The following MBOAT2 variants were observed in gnomAD, a reference collection of about 807,000 sequenced individuals.
The protein encoded by MBOAT2 is membrane bound glycerophospholipid O-acyltransferase 2.
In MBOAT2, 28 loss-of-function variants were observed where a neutral mutation model predicts 63.4. The observed-to-expected ratio is 0.44, with a 90% confidence interval of 0.33 to 0.61. The LOEUF is 0.61. Ranked by LOEUF, MBOAT2 falls within the 20% of genes least tolerant of loss-of-function variation. The pLI is 0.03. For missense variants in MBOAT2, 470 were observed against 605.8 expected, an observed-to-expected ratio of 0.78 and a Z score of 2.35; for synonymous variants, 211 against 215.6, an observed-to-expected ratio of 0.98 and a Z score of 0.19.
chr2:8,887,432 AG>A (rs1663640852), intron 5 of MBOAT2, among the ~76,000 whole-genome samples: 2 of 152,150 alleles, frequency 1.3e-5, no homozygotes, highest in South Asian at 4.1e-4. Context: ...GTGGAGACAC[AG>A]TAGGGCTCAA....
chr2:8,979,547 AG>A (rs1449896753), intron 1 of MBOAT2, among the ~76,000 whole-genome samples: 1 of 152,094 alleles, frequency 6.6e-6, no homozygotes, highest in East Asian at 1.9e-4. Context: ...CACATTTATC[AG>A]CTTAACAAGT....
At position 8,854,584 on chromosome 2, in the gene MBOAT2, T is replaced by A. The variant is rs1045035143; in HGVS notation, c.*4095A>T. The stretch of plus-strand genomic sequence containing the variant: ...AACAATTATTTTCTCAAGTAATTTT[T>A]CTTTCAATTATAATGTAGAACTGTT... On this transcript the variant is annotated 3_prime_UTR_variant, in exon 13 of 13. Transcript: ENST00000305997. 2.6e-5 allele frequency: 4 copies of A among 152,250 alleles called. No individual in the cohort carries two copies. The highest frequency in any genetic ancestry group is 2.0e-4 in the Admixed American group (3 of 15,290). The allele number at this position is 152,250 out of a possible 1,614,324, so 9.4% of individuals were successfully genotyped here.
At chr2:8,966,588 G>A (rs552373047) in intron 1 of MBOAT2, among the ~76,000 whole-genome samples, 1 of 152,100 alleles carries the variant, frequency 6.6e-6, no homozygotes, top group Non-Finnish European at 1.5e-5. Context: ...AACCAACCTC[G>A]CAGCCAGTTA....
chr2:8,894,144 CCT>C (rs1433671037), intron 4 of MBOAT2, among the ~76,000 whole-genome samples: 9 of 152,134 alleles, frequency 5.9e-5, no homozygotes, highest in Non-Finnish European at 1.0e-4. Flanking sequence ...TATTCCCCTC[CCT>C]GTGTCCACGT....
intron 4 of MBOAT2, among the ~76,000 whole-genome samples, chr2:8,907,186 T>G (rs1051338548): frequency 6.6e-6 from 1 of 152,266 alleles, no homozygotes; most frequent in Non-Finnish European, 1.5e-5. Context: ...AGCTCTTAAT[T>G]TCTCTTTCAG....
chr2:8,880,058 T>C (rs998537333), intron 6 of MBOAT2, among the ~76,000 whole-genome samples: 10 of 152,154 alleles, frequency 6.6e-5, no homozygotes, highest in South Asian at 4.2e-4. Context: ...TTCTAAATTA[T>C]AGGGGAAGCC....
At chr2:8,957,619 C>A (rs1185592213) in intron 2 of MBOAT2, among the ~76,000 whole-genome samples, 2 of 152,210 alleles carry the variant, frequency 1.3e-5, no homozygotes, top group Admixed American at 1.3e-4. Flanking sequence ...CTACACCCCA[C>A]AGACCAAGTG....
rs1661091752 is a variant in MBOAT2 at position 8,856,459 on chromosome 2, A to G, written c.*2220T>C. 6.6e-6 allele frequency: 1 copy of G among 152,200 alleles called. No homozygotes were observed. Among genetic ancestry groups the G allele is most frequent in the East Asian group, 1.9e-4 (1 of 5,200 alleles). The allele number at this position is 152,200 out of a possible 1,614,324, so 9.4% of individuals were successfully genotyped here. A position where few individuals can be genotyped will look rare whatever the true frequency, so the allele number is the denominator to read the frequency against. Reference sequence around the variant, plus strand: ...CTTAATAGCAGTCGGATTCTCTGCAACATTAATGAAAATGATCAAACATTT... The same window carrying G: ...CTTAATAGCAGTCGGATTCTCTGCAGCATTAATGAAAATGATCAAACATTT... On this transcript the variant is annotated 3_prime_UTR_variant, in exon 13 of 13. Coordinates refer to ENST00000305997, the MANE Select transcript of MBOAT2 (RefSeq NM_138799.4). The surrounding 1 kb of genome is among the most constrained non-coding windows in gnomAD (Gnocchi z 4.2).
intron 3 of MBOAT2, among the ~76,000 whole-genome samples, chr2:8,922,765 C>T (rs1406861774): frequency 6.6e-6 from 1 of 152,222 alleles, no homozygotes; most frequent in Non-Finnish European, 1.5e-5. Flanking sequence ...GAGATGCAGC[C>T]TCCATCAGCC....
At chr2:8,946,868 T>C (rs1270658221) in intron 2 of MBOAT2, among the ~76,000 whole-genome samples, 1 of 152,190 alleles carries the variant, frequency 6.6e-6, no homozygotes, top group African/African-American at 2.4e-5. Context: ...ACAACAATTA[T>C]TGAAATTAGG....
chr2:8,878,706 C>G (rs1662882543), intron 6 of MBOAT2, among the ~76,000 whole-genome samples: 1 of 152,220 alleles, frequency 6.6e-6, no homozygotes. Context: ...TCCTGTCCAT[C>G]TGATACTATC....
In MBOAT2 at chr2:8,896,649, A is replaced by C. The variant is rs546842216; in HGVS notation, c.396-8576T>G. ...GACCTTGTTCAGTCCATATTAACTT[A>C]AAATTGGTATAGACGGCTCCTTCCT... On this transcript the variant is annotated intron_variant, in intron 4 of 12. Coordinates refer to ENST00000305997, the MANE Select transcript of MBOAT2 (RefSeq NM_138799.4). Among the ~76,000 whole-genome samples the C allele has an allele frequency of 2.0e-5, 3 of 152,350 alleles. No individual in the cohort carries two copies. In the South Asian group the frequency reaches 6.2e-4, roughly 32 times the overall value.
chr2:9,000,562 CAT>C, intron 1 of MBOAT2, among the ~76,000 whole-genome samples: 1 of 152,200 alleles, frequency 6.6e-6, no homozygotes. Context: ...AAACTACAGT[CAT>C]GTGTCACTTA....
At chr2:8,941,054 G>T (rs1481592710) in intron 3 of MBOAT2, among the ~76,000 whole-genome samples, 2 of 150,796 alleles carry the variant, frequency 1.3e-5, no homozygotes, top group Non-Finnish European at 2.9e-5. Context: ...TTATTATAAA[G>T]GCCTAAGCAG....
In MBOAT2 at chr2:8,995,590, A is replaced by T. The variant is rs867168677; in HGVS notation, c.75+7950T>A. 7.5e-3 allele frequency among the ~76,000 whole-genome samples: 1,001 copies of T among 134,342 alleles called. 3 individuals are homozygous for T. Among genetic ancestry groups the T allele is most frequent in the African/African-American group, 0.018 (636 of 34,904 alleles). The allele number at this position is 134,342 out of a possible 152,430, so 88.1% of individuals were successfully genotyped here. Reference sequence around the variant, plus strand: ...TAAACATTTTTTAAAAATACATTCCATTTTTTTTTTTTTTTTTTGAGACGG... The same window carrying T: ...TAAACATTTTTTAAAAATACATTCCTTTTTTTTTTTTTTTTTTTGAGACGG... On this transcript the variant is annotated intron_variant, in intron 1 of 12. Coordinates refer to ENST00000305997, the MANE Select transcript of MBOAT2 (RefSeq NM_138799.4).
At chr2:8,937,533 A>G (rs1257297790) in intron 3 of MBOAT2, among the ~76,000 whole-genome samples, 1 of 152,234 alleles carries the variant, frequency 6.6e-6, no homozygotes, top group African/African-American at 2.4e-5. Context: ...CAATTCCACA[A>G]GAGGATGTGT....
At chr2:9,000,040 A>ACATT (rs1479255061) in intron 1 of MBOAT2, among the ~76,000 whole-genome samples, 1 of 152,182 alleles carries the variant, frequency 6.6e-6, no homozygotes, top group African/African-American at 2.4e-5. Flanking sequence ...GTGCATTCTT[A>ACATT]CATTCCATGC....
intron 1 of MBOAT2, among the ~76,000 whole-genome samples, chr2:8,961,234 AC>A (rs1669581803): frequency 6.6e-6 from 1 of 152,236 alleles, no homozygotes; most frequent in Admixed American, 6.5e-5. Flanking sequence ...ACCATAAGTA[AC>A]GAAGTGTGAA....
intron 1 of MBOAT2, among the ~76,000 whole-genome samples, chr2:8,964,296 A>G (rs2103290942): frequency 6.6e-6 from 1 of 152,366 alleles, no homozygotes; most frequent in South Asian, 2.1e-4. Context: ...AAAATGGTGT[A>G]AAACTGAGCG....
Sources: allele counts gnomAD v4.1 joint callset (sites outside exome capture counted in the v4.1 genomes callset), GRCh38; gene constraint gnomAD v4.1.1; non-coding constraint Gnocchi (gnomAD v3.1); transcripts MANE v1.5; gene names NCBI Gene and HGNC (gene_info 2026-07-23, HGNC 2026-07-21).